Variants in PLAG1 observed in about 807,000 individuals in gnomAD.
PLAG1 encodes PLAG1 zinc finger, also known as zinc finger protein PLAG1.
A neutral mutation model predicts 35.5 loss-of-function variants in PLAG1; 7 were observed. The observed-to-expected ratio is 0.20, with a 90% CI of 0.11 to 0.37. The LOEUF (loss-of-function observed/expected upper bound fraction) is 0.37. Among genes scored for constraint, PLAG1 ranks in the 10% least tolerant of loss-of-function variants. The pLI is 1.00. For synonymous variants in PLAG1, 229 were observed against 225.4 expected, an observed-to-expected ratio of 1.02 and a Z score of -0.14; for missense variants, 454 against 602.8, an observed-to-expected ratio of 0.75 and a Z score of 2.58.
rs1459290106 is a variant in PLAG1, at chr8:56,164,004, A to C, written c.*2239T>G. On this transcript the variant is annotated 3_prime_UTR_variant, in exon 5 of 5. Transcript: ENST00000316981. Reference sequence around the variant, plus strand: ...CATTCAACTAAAGATTTAGGTAAGCAATCTGTTTCATAGAAACTAAAGGAA... The same window carrying C: ...CATTCAACTAAAGATTTAGGTAAGCCATCTGTTTCATAGAAACTAAAGGAA... 1 of 184,270 alleles carries C rather than the reference A, an allele frequency of 5.4e-6. No homozygotes were observed. The highest frequency in any genetic ancestry group is 1.2e-5 in the Non-Finnish European group (1 of 86,586). The allele number at this position is 184,270 out of a possible 1,614,324, so 11.4% of individuals were successfully genotyped here.
At chr8:56,205,278 G>C (rs893504856) in intron 1 of PLAG1, among the ~76,000 whole-genome samples, 5 of 151,618 alleles carry the variant, frequency 3.3e-5, no homozygotes, top group Non-Finnish European at 1.5e-5. Flanking sequence ...GACACTTCAC[G>C]AAGACACACA....
At position 56,167,531 on chromosome 8, in the gene PLAG1, A is replaced by G. The variant is rs1450297811; in HGVS notation, c.243-28T>C. ...TTAAACACAGATATAATCTATAAGTAGTTATTATGACAAAAATGGCATGTA... is the reference window on the plus strand; with the variant it reads ...TTAAACACAGATATAATCTATAAGTGGTTATTATGACAAAAATGGCATGTA... On this transcript the variant is annotated intron_variant, in intron 4 of 4. Coordinates refer to ENST00000316981, the MANE Select transcript of PLAG1 (RefSeq NM_002655.3). This position sits in a 1 kb window ranked among gnomAD's most constrained non-coding sequence, Gnocchi z 5.9. The G allele has an allele frequency of 2.7e-6, 4 of 1,454,668 alleles. No individual in the cohort carries two copies. Among genetic ancestry groups the G allele is most frequent in the Non-Finnish European group, 3.8e-6 (4 of 1,061,630 alleles). 90.1% of individuals were successfully genotyped at this position (1,454,668 alleles called of 1,614,324 possible). A position where few individuals can be genotyped will look rare whatever the true frequency, so the allele number is the denominator to read the frequency against.
chr8:56,169,964 A>T (rs1432837159), intron 3 of PLAG1, among the ~76,000 whole-genome samples: 4 of 152,218 alleles, frequency 2.6e-5, no homozygotes, highest in Non-Finnish European at 1.5e-5. Context: ...CCAAGCTACT[A>T]CCAAGTTACT....
At chr8:56,203,523 A>G (rs1042628573) in intron 1 of PLAG1, among the ~76,000 whole-genome samples, 1 of 152,124 alleles carries the variant, frequency 6.6e-6, no homozygotes, top group Non-Finnish European at 1.5e-5. Context: ...TGTGCTTAAC[A>G]TACAGCATAG....
At chr8:56,198,133 G>T (rs117500552) in intron 1 of PLAG1, among the ~76,000 whole-genome samples, 2,699 of 152,266 alleles carry the variant, frequency 0.018, 28 homozygotes, top group Middle Eastern at 0.027. Context: ...CAAACCTCTG[G>T]ACTGCCCCTG....
chr8:56,199,736 C>CG (rs1038719833), intron 1 of PLAG1, among the ~76,000 whole-genome samples: 1 of 151,922 alleles, frequency 6.6e-6, no homozygotes, highest in Non-Finnish European at 1.5e-5. Context: ...CCACCCCCCC[C>CG]GATCCTCCCC....
At chr8:56,185,216 A>G (rs1811988054) in intron 1 of PLAG1, among the ~76,000 whole-genome samples, 1 of 152,196 alleles carries the variant, frequency 6.6e-6, no homozygotes, top group African/African-American at 2.4e-5. Context: ...AAGGTAGGAT[A>G]GGGAGGGATC....
Position 56,161,268 on chromosome 8 carries a change from T to G in PLAG1, c.*4975A>C, listed in dbSNP as rs528395419. ...TTTCCCAATATTACAGAATAGCAAT[T>G]TTAAATGCAATAAAAATATACAAAA... On this transcript the variant is annotated 3_prime_UTR_variant, in exon 5 of 5. Coordinates refer to ENST00000316981, the MANE Select transcript of PLAG1 (RefSeq NM_002655.3). The G allele has an allele frequency of 2.4e-4, 49 of 204,892 alleles. No homozygotes were observed. Among genetic ancestry groups the G allele is most frequent in the Non-Finnish European group, 4.2e-4 (42 of 99,902 alleles). The allele number at this position is 204,892 out of a possible 1,614,324, so 12.7% of individuals were successfully genotyped here.
intron 1 of PLAG1, among the ~76,000 whole-genome samples, chr8:56,192,006 G>A (rs922780646): frequency 5.3e-5 from 8 of 152,146 alleles, no homozygotes; most frequent in Admixed American, 4.6e-4. Flanking sequence ...GCAGCCCCAG[G>A]TATCAAAGGG....
chr8:56,200,237 G>C (rs1812511298), intron 1 of PLAG1, among the ~76,000 whole-genome samples: 1 of 152,096 alleles, frequency 6.6e-6, no homozygotes, highest in Admixed American at 6.5e-5. Context: ...TCTTCTATGT[G>C]TCCATTTCGT....
intron 2 of PLAG1, among the ~76,000 whole-genome samples, chr8:56,177,009 C>T (rs190640907): frequency 6.6e-6 from 1 of 152,166 alleles, no homozygotes; most frequent in East Asian, 1.9e-4. Context: ...TAAATTCAAA[C>T]AAAAAGGCAG....
intron 2 of PLAG1, among the ~76,000 whole-genome samples, chr8:56,178,663 C>T (rs916440730): frequency 1.3e-5 from 2 of 152,096 alleles, no homozygotes; most frequent in African/African-American, 2.4e-5. Context: ...AGTTCAGGAG[C>T]CCATCCCCTG....
rs1032117990 is a variant in PLAG1, at chr8:56,191,379, A to G, written c.-321-11866T>C. Among the ~76,000 whole-genome samples the G allele has an allele frequency of 3.3e-5, 5 of 152,168 alleles. No individual in the cohort carries two copies. In the East Asian group the frequency reaches 9.6e-4, roughly 29 times the overall value. ...TCAGCAGGAGCAAGGAAGGAAGTGG[A>G]GGCAGAGGACGCGAGCCTGTGGTCA... is the stretch of plus-strand genomic sequence containing the variant. On this transcript the variant is annotated intron_variant, in intron 1 of 4. Coordinates refer to ENST00000316981, the MANE Select transcript of PLAG1 (RefSeq NM_002655.3).
chr8:56,204,070 A>G (rs889073310), intron 1 of PLAG1, among the ~76,000 whole-genome samples: 1 of 152,008 alleles, frequency 6.6e-6, no homozygotes, highest in African/African-American at 2.4e-5. Context: ...ACTGTTCCAT[A>G]AGTTGCAGTT....
chr8:56,167,321 A>G lies in PLAG1; in HGVS notation c.425T>C (p.Leu142Ser). ...TKLGFKRHLA[L>S]HAATSGDLTC... ...GAGGTCACCACTTGTTGCGGCATGCAAGGCCAAGTGACGTTTAAATCCAAG... is the reference window on the plus strand; with the variant it reads ...GAGGTCACCACTTGTTGCGGCATGCGAGGCCAAGTGACGTTTAAATCCAAG... Residue 142 changes from leucine to serine, a missense_variant, in exon 5 of 5, where the codon TTG becomes TCG. By Grantham distance (145) the Leu-to-Ser change is moderately radical. This residue lies in a region of PLAG1 where 170 missense variants were observed against 226.3 expected (regional missense o/e 0.75). Coordinates refer to ENST00000316981, the MANE Select transcript of PLAG1 (RefSeq NM_002655.3). This position sits in a 1 kb window ranked among gnomAD's most constrained non-coding sequence, Gnocchi z 5.9. 6.2e-7 allele frequency: 1 copy of G among 1,614,066 alleles called. No homozygotes were observed. The highest frequency in any genetic ancestry group is 8.5e-7 in the Non-Finnish European group (1 of 1,179,990).
At chr8:56,195,329 C>G (rs1812327713) in intron 1 of PLAG1, among the ~76,000 whole-genome samples, 1 of 152,154 alleles carries the variant, frequency 6.6e-6, no homozygotes, top group East Asian at 1.9e-4. Flanking sequence ...TGTTAGGGAG[C>G]CATTACCAGG....
intron 1 of PLAG1, among the ~76,000 whole-genome samples, chr8:56,184,875 A>G (rs1271687510): frequency 6.6e-6 from 1 of 152,162 alleles, no homozygotes; most frequent in Non-Finnish European, 1.5e-5. Context: ...TGAACCTGAG[A>G]GTCGGAGGTT....
Position 56,192,698 on chromosome 8 carries a change from T to C in PLAG1, c.-321-13185A>G, listed in dbSNP as rs527784822. Among the ~76,000 whole-genome samples, 91 of 152,360 alleles carry C rather than the reference T, an allele frequency of 6.0e-4. No homozygotes were observed. The South Asian group carries it at 0.018, about 31-fold the overall frequency. On this transcript the variant is annotated intron_variant, in intron 1 of 4. Transcript: ENST00000316981. Reference sequence around the variant, plus strand: ...ATTCACTATATTGGTAGCAATGTTATCATGATTGCTTATGGCACTTAATTC... The same window carrying C: ...ATTCACTATATTGGTAGCAATGTTACCATGATTGCTTATGGCACTTAATTC...
chr8:56,170,190 TA>T (rs1811480780), intron 3 of PLAG1, among the ~76,000 whole-genome samples: 1 of 152,256 alleles, frequency 6.6e-6, no homozygotes, highest in African/African-American at 2.4e-5. Flanking sequence ...TGTCTTTCTT[TA>T]TTAGGTAGAT....
Sources: gnomAD v4.1 joint callset for allele counts (sites outside exome capture counted in the v4.1 genomes callset) on GRCh38, gnomAD v4.1.1 for gene constraint, gnomAD v4.1.1 regional missense constraint, Gnocchi (gnomAD v3.1) non-coding constraint, MANE v1.5 for transcripts, NCBI Gene and HGNC (gene_info 2026-07-23, HGNC 2026-07-21) for gene names.